The following SGMS1 variants were observed in gnomAD, a reference collection of about 807,000 sequenced individuals.
SGMS1 encodes sphingomyelin synthase 1, also known as phosphatidylcholine:ceramide cholinephosphotransferase 1.
A neutral mutation model predicts 46.2 loss-of-function variants in SGMS1; 13 were observed. The observed-to-expected ratio is 0.28, with a 90% CI of 0.18 to 0.45. The LOEUF (loss-of-function observed/expected upper bound fraction) is 0.45, where lower values mean the gene tolerates loss of function less well. Among genes scored for constraint, SGMS1 ranks in the 20% least tolerant of loss-of-function variants. The probability of loss-of-function intolerance (pLI) is 1.00; values close to 1 mark genes in which losing one functional copy is unlikely to be tolerated. For synonymous variants in SGMS1, 203 were observed against 187.8 expected (o/e 1.08, Z -0.66); for missense variants, 324 against 519.9 (o/e 0.62, Z 3.66).
intron 6 of SGMS1, among the ~76,000 whole-genome samples, chr10:50,411,274 C>T (rs764604254): frequency 1.6e-4 from 25 of 152,120 alleles, no homozygotes; most frequent in Non-Finnish European, 2.8e-4. Context: ...GCTAATAGAC[C>T]TATGGTGTGG....
chr10:50,623,377 C>A (rs927456584), intron 1 of SGMS1, among the ~76,000 whole-genome samples: 2 of 152,270 alleles, frequency 1.3e-5, no homozygotes, highest in African/African-American at 4.8e-5. Flanking sequence ...AGCCTTCCAG[C>A]CCGCACGCAG....
intron 2 of SGMS1, among the ~76,000 whole-genome samples, chr10:50,558,402 A>C (rs1375153523): frequency 6.6e-6 from 1 of 152,218 alleles, no homozygotes; most frequent in South Asian, 2.1e-4. Flanking sequence ...CATTTCTGCC[A>C]TAAAAAGTGA....
At chr10:50,570,148 G>GA (rs932435653) in intron 2 of SGMS1, among the ~76,000 whole-genome samples, 13 of 152,134 alleles carry the variant, frequency 8.5e-5, no homozygotes, top group African/African-American at 2.9e-4. Flanking sequence ...CAAAATGCTG[G>GA]AAAAATAGAA....
Position 50,317,402 on chromosome 10 carries a change from T to C in SGMS1, c.742-5987A>G, listed in dbSNP as rs114581491. ...TTATCTCACTGTATCTTCACAAGCTTGTCAGTTGGTGAGCGTAGTTGTTAC... is the reference window on the plus strand; with the variant it reads ...TTATCTCACTGTATCTTCACAAGCTCGTCAGTTGGTGAGCGTAGTTGTTAC... On this transcript the variant is annotated intron_variant, in intron 8 of 10. Transcript: ENST00000361781. Among the ~76,000 whole-genome samples, 1,389 of 152,312 alleles carry C rather than the reference T, an allele frequency of 9.1e-3. 15 individuals are homozygous for C. Among genetic ancestry groups the C allele is most frequent in the African/African-American group, 0.031 (1,303 of 41,564 alleles).
intron 7 of SGMS1, chr10:50,341,517 T>C (rs1847820963): frequency 4.5e-6 from 2 of 448,596 alleles, no homozygotes; most frequent in East Asian, 7.0e-5. Flanking sequence ...TAAAATTCAA[T>C]ATAATTGGCC....
chr10:50,490,589 A>C (rs1035390755), intron 3 of SGMS1, among the ~76,000 whole-genome samples: 4 of 152,234 alleles, frequency 2.6e-5, no homozygotes, highest in African/African-American at 9.7e-5. Context: ...TTTAATTCTA[A>C]GTCTCAAATT....
intron 6 of SGMS1, among the ~76,000 whole-genome samples, chr10:50,400,740 A>C (rs188427291): frequency 6.6e-6 from 1 of 152,296 alleles, no homozygotes; most frequent in East Asian, 1.9e-4. Context: ...AAGAAGTACA[A>C]AACCACAAGT....
At chr10:50,609,897 G>C (rs1838733741) in intron 1 of SGMS1, among the ~76,000 whole-genome samples, 1 of 152,096 alleles carries the variant, frequency 6.6e-6, no homozygotes, top group South Asian at 2.1e-4. Flanking sequence ...CTCAAGCAGA[G>C]CAATCTCCTA....
At chr10:50,426,267 G>A (rs1352453760) in intron 6 of SGMS1, among the ~76,000 whole-genome samples, 1 of 152,136 alleles carries the variant, frequency 6.6e-6, no homozygotes, top group Non-Finnish European at 1.5e-5. Context: ...ATAAAAAAAT[G>A]TTTTAAGAGA....
intron 5 of SGMS1, among the ~76,000 whole-genome samples, chr10:50,453,626 C>T (rs530396095): frequency 9.3e-5 from 14 of 150,614 alleles, no homozygotes; most frequent in African/African-American, 2.4e-4. Context: ...ATGTGTTCTT[C>T]GATTTCCGGA....
chr10:50,556,460 G>A (rs1322216259), intron 2 of SGMS1, among the ~76,000 whole-genome samples: 2 of 152,192 alleles, frequency 1.3e-5, no homozygotes, highest in African/African-American at 4.8e-5. Context: ...ATGTCCTAGA[G>A]GAAGGGGAGT....
chr10:50,537,836 G>A (rs545464774), intron 2 of SGMS1, among the ~76,000 whole-genome samples: 2 of 152,238 alleles, frequency 1.3e-5, no homozygotes, highest in Admixed American at 1.3e-4. Flanking sequence ...CAAGAAGAGT[G>A]ACACCTTCAC....
At chr10:50,475,803 C>G (rs1837420580) in intron 3 of SGMS1, among the ~76,000 whole-genome samples, 2 of 152,088 alleles carry the variant, frequency 1.3e-5, no homozygotes, top group Admixed American at 1.3e-4. Flanking sequence ...GCCTGCTACC[C>G]CTTCACCTTC....
chr10:50,354,130 G>C (rs1251421010), intron 6 of SGMS1, among the ~76,000 whole-genome samples: 1 of 146,216 alleles, frequency 6.8e-6, no homozygotes, highest in Non-Finnish European at 1.5e-5. Flanking sequence ...CCCGCATTGC[G>C]AAGTCAATCC....
intron 2 of SGMS1, among the ~76,000 whole-genome samples, chr10:50,546,185 A>G (rs550336070): frequency 2.0e-5 from 3 of 152,122 alleles, no homozygotes; most frequent in South Asian, 4.2e-4. Flanking sequence ...GAGGAGTGCA[A>G]TCTTTCTCCT....
At chr10:50,344,870 C>CAA (rs71856483) in intron 6 of SGMS1, among the ~76,000 whole-genome samples, 258 of 142,460 alleles carry the variant, frequency 1.8e-3, no homozygotes, top group African/African-American at 5.2e-3. Context: ...GATTCCTTCT[C>CAA]AAAAAAAAAA....
chr10:50,542,903 T>G (rs1215088630), intron 2 of SGMS1, among the ~76,000 whole-genome samples: 1 of 151,542 alleles, frequency 6.6e-6, no homozygotes, highest in African/African-American at 2.4e-5. Context: ...CTCAGTTTGT[T>G]TTGTTTTTAA....
chr10:50,438,610 T>A (rs1849503735), intron 5 of SGMS1, among the ~76,000 whole-genome samples: 1 of 152,224 alleles, frequency 6.6e-6, no homozygotes, highest in Non-Finnish European at 1.5e-5. Flanking sequence ...ATTTTGTGAT[T>A]GATTAAGCTG....
At chr10:50,345,781 C>G (rs181669375) in intron 6 of SGMS1, among the ~76,000 whole-genome samples, 3 of 152,116 alleles carry the variant, frequency 2.0e-5, no homozygotes, top group Admixed American at 2.0e-4. Context: ...AAAGTATCCC[C>G]AAGATTGAAA....
Sources: gnomAD v4.1 joint callset for allele counts (sites outside exome capture counted in the v4.1 genomes callset) on GRCh38, gnomAD v4.1.1 for gene constraint, MANE v1.5 for transcripts, NCBI Gene and HGNC (gene_info 2026-07-23, HGNC 2026-07-21) for gene names.